The following PAK5 variants were observed in gnomAD, a reference collection of about 807,000 sequenced individuals.
PAK5 encodes the protein serine/threonine-protein kinase PAK 5.
In PAK5, 16 loss-of-function variants were observed where a neutral mutation model predicts 65.9. The observed-to-expected ratio is 0.24, with a 90% confidence interval of 0.16 to 0.37. The LOEUF (loss-of-function observed/expected upper bound fraction) is 0.37, where lower values mean the gene tolerates loss of function less well. Among genes scored for constraint, PAK5 ranks in the 10% least tolerant of loss-of-function variants. The probability of loss-of-function intolerance (pLI) is 1.00; values close to 1 mark genes in which losing one functional copy is unlikely to be tolerated. For synonymous variants in PAK5, 371 were observed against 354.9 expected, an observed-to-expected ratio of 1.05 and a Z score of -0.51; for missense variants, 785 against 903.9, an observed-to-expected ratio of 0.87 and a Z score of 1.69.
At chr20:9,598,285 G>A (rs1043800512) in intron 3 of PAK5, among the ~76,000 whole-genome samples, 2 of 152,192 alleles carry the variant, frequency 1.3e-5, no homozygotes, top group African/African-American at 2.4e-5. Flanking sequence ...CAAAGGACAT[G>A]ATCTCATTCC....
chr20:9,646,228 G>A (rs7266825), intron 2 of PAK5, among the ~76,000 whole-genome samples: 22,719 of 152,128 alleles, frequency 0.15, 2,181 homozygotes, highest in South Asian at 0.37. Context: ...GGTAAGCAGG[G>A]TCTTCCCATG....
intron 1 of PAK5, among the ~76,000 whole-genome samples, chr20:9,821,119 C>T (rs1228060803): frequency 6.6e-6 from 1 of 152,168 alleles, no homozygotes; most frequent in Admixed American, 6.5e-5. Flanking sequence ...CGATGGCTTA[C>T]ACCTGTAATC....
intron 1 of PAK5, among the ~76,000 whole-genome samples, chr20:9,751,483 A>C (rs1271980221): frequency 6.6e-6 from 1 of 152,134 alleles, no homozygotes; most frequent in South Asian, 2.1e-4. Context: ...ATTTTTCATG[A>C]TGGAGAGATT....
At chr20:9,634,686 A>G (rs2046963018) in intron 3 of PAK5, among the ~76,000 whole-genome samples, 1 of 152,202 alleles carries the variant, frequency 6.6e-6, no homozygotes, top group Non-Finnish European at 1.5e-5. Flanking sequence ...AAGAAATATA[A>G]TAAATCTAGC....
intron 1 of PAK5, among the ~76,000 whole-genome samples, chr20:9,754,043 C>T (rs1366051303): frequency 6.6e-6 from 1 of 152,114 alleles, no homozygotes; most frequent in South Asian, 2.1e-4. Context: ...TGCCTTTTTG[C>T]AAAGTTTGAT....
At chr20:9,561,313 G>A (rs1275228806) in intron 6 of PAK5, among the ~76,000 whole-genome samples, 1 of 152,140 alleles carries the variant, frequency 6.6e-6, no homozygotes, top group Non-Finnish European at 1.5e-5. Flanking sequence ...CTGAGTGGCT[G>A]TATGAAGCTC....
At chr20:9,592,745 A>C (rs915560211) in intron 3 of PAK5, among the ~76,000 whole-genome samples, 1 of 152,194 alleles carries the variant, frequency 6.6e-6, no homozygotes, top group Non-Finnish European at 1.5e-5. Flanking sequence ...TGGGCACTAG[A>C]ATGTGGATGA....
At chr20:9,714,470 G>A (rs544071938) in intron 1 of PAK5, among the ~76,000 whole-genome samples, 1 of 152,160 alleles carries the variant, frequency 6.6e-6, no homozygotes, top group African/African-American at 2.4e-5. Flanking sequence ...ACTTTACATG[G>A]CTATTTTCCA....
chr20:9,780,495 G>A (rs2206485), intron 1 of PAK5, among the ~76,000 whole-genome samples: 113,396 of 151,954 alleles, frequency 0.75, 42,265 homozygotes, highest in South Asian at 0.8. Context: ...TTTATACCAT[G>A]CACATCATCA....
At chr20:9,785,069 G>A (rs572439786) in intron 1 of PAK5, among the ~76,000 whole-genome samples, 1 of 151,274 alleles carries the variant, frequency 6.6e-6, no homozygotes, top group East Asian at 1.9e-4. Context: ...TAAAAGCCAA[G>A]ATACAAGTTT....
chr20:9,703,979 G>C (rs2047973211), intron 2 of PAK5, among the ~76,000 whole-genome samples: 1 of 152,164 alleles, frequency 6.6e-6, no homozygotes, highest in African/African-American at 2.4e-5. Flanking sequence ...TGTTGGGCAA[G>C]GAAAGCTGTT....
Position 9,566,535 on chromosome 20 carries a change from C to A in PAK5, c.991-151G>T, listed in dbSNP as rs879152225. ...TGGGGCACCAACAGGACCGGCCACA[C>A]CTAGGGAAGGGCCTTCTGTGGTGCA... On this transcript the variant is annotated intron_variant, in intron 4 of 9. Transcript: ENST00000353224. The A allele has an allele frequency of 2.4e-5, 17 of 721,944 alleles. No homozygotes were observed. In the South Asian group the frequency reaches 2.9e-4, roughly 12 times the overall value. The allele number at this position is 721,944 out of a possible 1,614,324, so 44.7% of individuals were successfully genotyped here.
chr20:9,640,846 G>A (rs2047048288), intron 3 of PAK5, among the ~76,000 whole-genome samples: 2 of 152,150 alleles, frequency 1.3e-5, no homozygotes. Context: ...CAGGAGTGAA[G>A]CTGCAGATCT....
intron 2 of PAK5, among the ~76,000 whole-genome samples, chr20:9,672,506 T>A (rs534661132): frequency 6.6e-6 from 1 of 151,550 alleles, no homozygotes; most frequent in East Asian, 1.9e-4. Flanking sequence ...TCTCACAAGA[T>A]CTCATGGTTT....
chr20:9,757,183 C>T (rs1347754063), intron 1 of PAK5, among the ~76,000 whole-genome samples: 3 of 151,968 alleles, frequency 2.0e-5, no homozygotes, highest in African/African-American at 7.3e-5. Context: ...TGTTAGAATC[C>T]TTTCTCAGGG....
intron 3 of PAK5, among the ~76,000 whole-genome samples, chr20:9,617,784 T>C (rs979971036): frequency 7.9e-5 from 12 of 152,140 alleles, no homozygotes; most frequent in Non-Finnish European, 1.6e-4. Context: ...CTCGATCTCC[T>C]GACCTCGTGA....
chr20:9,717,898 G>A (rs1188111354), intron 1 of PAK5, among the ~76,000 whole-genome samples: 1 of 152,174 alleles, frequency 6.6e-6, no homozygotes, highest in Non-Finnish European at 1.5e-5. Context: ...GGCATTACAG[G>A]TGTGAGCCAC....
chr20:9,706,896 T>C (rs1356284466), intron 2 of PAK5, among the ~76,000 whole-genome samples: 1 of 152,134 alleles, frequency 6.6e-6, no homozygotes, highest in Non-Finnish European at 1.5e-5. Context: ...ATTCATCCAT[T>C]GACCTAACTT....
At chr20:9,825,573 T>C (rs565939603) in intron 1 of PAK5, among the ~76,000 whole-genome samples, 15 of 152,182 alleles carry the variant, frequency 9.9e-5, no homozygotes, top group Admixed American at 5.9e-4. Flanking sequence ...TTCTTTTCCA[T>C]TTCAGTTTAG....
Sources: gnomAD v4.1 joint callset for allele counts (sites outside exome capture counted in the v4.1 genomes callset) on GRCh38, gnomAD v4.1.1 for gene constraint, MANE v1.5 for transcripts, NCBI Gene and HGNC (gene_info 2026-07-23, HGNC 2026-07-21) for gene names.